Variants in FXR1 observed in about 807,000 individuals in gnomAD.
FXR1 encodes FMR1 autosomal homolog 1.
In FXR1, 15 loss-of-function variants were observed where a neutral mutation model predicts 84.0. That is an observed-to-expected ratio of 0.18 (90% CI 0.12 to 0.27). The LOEUF is 0.27. Among genes scored for constraint, FXR1 ranks in the 10% least tolerant of loss-of-function variants. FXR1 has a pLI of 1.00. For synonymous variants in FXR1, 245 were observed against 250.7 expected (o/e 0.98, Z 0.21); for missense variants, 480 against 774.4 (o/e 0.62, Z 4.51).
chr3:180,925,549 A>G (rs1719073819), intron 1 of FXR1, among the ~76,000 whole-genome samples: 1 of 152,160 alleles, frequency 6.6e-6, no homozygotes. Flanking sequence ...TGAAATGCTC[A>G]GGGGTTACCA....
chr3:180,942,240 T>C (rs753745969), intron 3 of FXR1, among the ~76,000 whole-genome samples: 1 of 151,866 alleles, frequency 6.6e-6, no homozygotes, highest in African/African-American at 2.4e-5. Flanking sequence ...TAGCCAGGTG[T>C]GGTAGCGGGT....
intron 1 of FXR1, chr3:180,933,015 T>A: frequency 4.3e-6 from 1 of 230,460 alleles, no homozygotes; most frequent in Non-Finnish European, 8.3e-6. Context: ...TTTGTCACAG[T>A]AGTAAATACT....
At chr3:180,926,506 A>ATATATATTTTTTTTTTTTTTTTTT (rs72192827) in intron 1 of FXR1, among the ~76,000 whole-genome samples, 1 of 124,394 alleles carries the variant, frequency 8.0e-6, no homozygotes, top group African/African-American at 2.9e-5. Context: ...ATATATATAT[A>ATATATATTTTTTTTTTTTTTTTTT]TTTTTTTTTC....
In FXR1 at chr3:180,981,621, G is replaced by C. The variant is rs146809695; in HGVS notation, c.*5329G>C. 1 of 152,022 alleles carries C rather than the reference G, an allele frequency of 6.6e-6. No individual in the cohort carries two copies. The highest frequency in any genetic ancestry group is 1.5e-5 in the Non-Finnish European group (1 of 67,930). 9.4% of individuals were successfully genotyped at this position (152,022 alleles called of 1,614,324 possible). On this transcript the variant is annotated 3_prime_UTR_variant, in exon 17 of 17. Coordinates refer to ENST00000357559, the MANE Select transcript of FXR1 (RefSeq NM_005087.4). ...AGGTCTAATGTGAAGGCTATAGATA[G>C]GAATTCCCCACAAACTTCTAATGAG...
intron 13 of FXR1, among the ~76,000 whole-genome samples, chr3:180,966,452 T>C (rs563443423): frequency 2.0e-5 from 3 of 152,230 alleles, no homozygotes; most frequent in Admixed American, 6.5e-5. Context: ...AAACTTCTTA[T>C]GTCTGAAGAG....
intron 1 of FXR1, among the ~76,000 whole-genome samples, chr3:180,920,621 T>A (rs1267026032): frequency 1.3e-5 from 2 of 151,992 alleles, no homozygotes; most frequent in Admixed American, 6.5e-5. Flanking sequence ...AGGCGATTCT[T>A]GTGCCTCAGT....
At position 180,955,965 on chromosome 3, in the gene FXR1, C is replaced by T. The variant is rs990387624; in HGVS notation, c.881-1854C>T. Among the ~76,000 whole-genome samples the T allele has an allele frequency of 3.9e-5, 6 of 152,136 alleles. 1 individual carries two copies. Among genetic ancestry groups the T allele is most frequent in the South Asian group, 4.1e-4 (2 of 4,832 alleles). ...GTGACTATTACACACTGGTGAAATACTCAGGAGTAGTACAAGAATTTCTAT... is the reference window on the plus strand; with the variant it reads ...GTGACTATTACACACTGGTGAAATATTCAGGAGTAGTACAAGAATTTCTAT... On this transcript the variant is annotated intron_variant, in intron 9 of 16. Coordinates refer to ENST00000357559, the MANE Select transcript of FXR1 (RefSeq NM_005087.4).
chr3:180,968,770 T>C (rs922562115), intron 14 of FXR1, among the ~76,000 whole-genome samples: 3 of 152,184 alleles, frequency 2.0e-5, no homozygotes, highest in Non-Finnish European at 4.4e-5. Context: ...GAGGAGTGTT[T>C]GGATGACTAA....
intron 8 of FXR1, among the ~76,000 whole-genome samples, chr3:180,952,250 G>A (rs558398503): frequency 1.3e-5 from 2 of 152,224 alleles, no homozygotes; most frequent in South Asian, 4.1e-4. Flanking sequence ...GAGCCACCGT[G>A]CCTGGCCTGG....
intron 3 of FXR1, among the ~76,000 whole-genome samples, chr3:180,943,412 G>A (rs572222923): frequency 3.6e-4 from 54 of 148,818 alleles, no homozygotes; most frequent in Middle Eastern, 7.1e-3. Context: ...ACGGGCGCCC[G>A]CCCACCACCA....
intron 10 of FXR1, among the ~76,000 whole-genome samples, chr3:180,958,821 T>C (rs74948727): frequency 6.6e-6 from 1 of 151,396 alleles, no homozygotes; most frequent in African/African-American, 2.4e-5. Context: ...TTTTTTTTTT[T>C]TCCTGGAGAC....
Position 180,970,308 on chromosome 3 carries a change from T to G in FXR1, c.1553T>G (p.Met518Arg). Residue 518 changes from methionine to arginine, a missense_variant, in exon 15 of 17, where the codon ATG becomes AGG. By Grantham distance (91) the Met-to-Arg change is moderately conservative (BLOSUM62 -1). This residue lies in a region of FXR1 where 157 missense variants were observed against 227.8 expected (regional missense o/e 0.69). Coordinates refer to ENST00000357559, the MANE Select transcript of FXR1 (RefSeq NM_005087.4). The part of the protein sequence containing the change: ...RRRTDEDAVL[M>R]DGMTESDTAS... ...AGGACTGATGAAGATGCTGTTCTGA[T>G]GGATGGAATGACTGAATCTGATACA... The G allele has an allele frequency of 6.2e-7, 1 of 1,604,788 alleles. No homozygotes were observed. The highest frequency in any genetic ancestry group is 8.5e-7 in the Non-Finnish European group (1 of 1,174,412).
At chr3:180,920,224 A>G (rs1046393639) in intron 1 of FXR1, among the ~76,000 whole-genome samples, 34 of 152,128 alleles carry the variant, frequency 2.2e-4, no homozygotes, top group Non-Finnish European at 4.3e-4. Flanking sequence ...CTTTTCATGT[A>G]ACCTTTTTGT....
In FXR1 at chr3:180,978,513, T is replaced by G. The variant is rs1714434045; in HGVS notation, c.*2221T>G. ...TGTATTTGAGAGGGTTCCGTCTTTT[T>G]GGCTGCTATCCTAGTTAGGTGAGAT... On this transcript the variant is annotated 3_prime_UTR_variant, in exon 17 of 17. Coordinates refer to ENST00000357559, the MANE Select transcript of FXR1 (RefSeq NM_005087.4). 6.6e-6 allele frequency: 1 copy of G among 152,074 alleles called. No homozygotes were observed. Among genetic ancestry groups the G allele is most frequent in the Non-Finnish European group, 1.5e-5 (1 of 67,982 alleles). 9.4% of individuals were successfully genotyped at this position (152,074 alleles called of 1,614,324 possible). A position where few individuals can be genotyped will look rare whatever the true frequency, so the allele number is the denominator to read the frequency against.
At chr3:180,944,605 G>T (rs1403032939) in intron 3 of FXR1, among the ~76,000 whole-genome samples, 1 of 152,158 alleles carries the variant, frequency 6.6e-6, no homozygotes, top group Admixed American at 6.5e-5. Context: ...GGGATTACAG[G>T]CATGAGCCAC....
At chr3:180,957,077 A>G (rs1020722406) in intron 9 of FXR1, among the ~76,000 whole-genome samples, 18 of 152,202 alleles carry the variant, frequency 1.2e-4, no homozygotes, top group Non-Finnish European at 1.5e-4. Context: ...TTTGTTATTT[A>G]TGTGAGTATG....
At chr3:180,949,439 T>A (rs1370542226) in intron 7 of FXR1, 96 bp downstream of exon 7, 2 of 750,752 alleles carry the variant, frequency 2.7e-6, no homozygotes, top group East Asian at 2.5e-5. Context: ...CAGGCTAGAG[T>A]GCAGTGGCAC....
intron 3 of FXR1, among the ~76,000 whole-genome samples, chr3:180,937,061 T>C (rs1720602426): frequency 1.3e-5 from 2 of 152,334 alleles, no homozygotes; most frequent in Non-Finnish European, 2.9e-5. Flanking sequence ...ATTTGGACTT[T>C]AGATTTTATT....
rs1456937500 is a variant in FXR1, at chr3:180,977,971, G to A, written c.*1679G>A. On this transcript the variant is annotated 3_prime_UTR_variant, in exon 17 of 17. Transcript: ENST00000357559. ...TCTTGGTAACAGAATTTTAAAGTAA[G>A]GTGTGAGTAGTGCAACTCCTGTCCT... The A allele has an allele frequency of 1.3e-5, 2 of 151,736 alleles. No individual in the cohort carries two copies. The highest frequency in any genetic ancestry group is 2.9e-5 in the Non-Finnish European group (2 of 67,934). The allele number at this position is 151,736 out of a possible 1,614,324, so 9.4% of individuals were successfully genotyped here. A position where few individuals can be genotyped will look rare whatever the true frequency, so the allele number is the denominator to read the frequency against.
Sources: allele counts gnomAD v4.1 joint callset (sites outside exome capture counted in the v4.1 genomes callset), GRCh38; gene constraint gnomAD v4.1.1; regional missense constraint gnomAD v4.1.1; transcripts MANE v1.5; gene names NCBI Gene and HGNC (gene_info 2026-07-23, HGNC 2026-07-21).